The following NOX1 variants were observed in gnomAD, a reference collection of about 807,000 sequenced individuals.
The protein encoded by NOX1 is NADH/NADPH mitogenic oxidase subunit P65-MOX.
NOX1 carries 34 observed loss-of-function variants against 42.5 expected under a neutral mutation model. The observed-to-expected ratio is 0.80, with a 90% confidence interval of 0.61 to 1.07. The LOEUF (loss-of-function observed/expected upper bound fraction) is 1.07. Ranked by LOEUF, NOX1 falls within the 50% of genes least tolerant of loss-of-function variation. NOX1 has a pLI of 0.00. For synonymous variants in NOX1, 143 were observed against 152.5 expected (o/e 0.94, Z 0.46); for missense variants, 408 against 427.0 (o/e 0.96, Z 0.39).
intron 7 of NOX1, 98 bp downstream of exon 7, chrX:100,862,073 A>G: frequency 1.0e-6 from 1 of 977,160 alleles, no homozygotes; most frequent in Non-Finnish European, 1.4e-6. Context: ...ACAGGACTGA[A>G]CTAATAATAA....
chrX:100,849,712 C>T, intron 10 of NOX1, 60 bp downstream of exon 10: 1 of 1,088,654 alleles, frequency 9.2e-7, no homozygotes, highest in Non-Finnish European at 1.2e-6. Context: ...GAGCTTAGCC[C>T]AAGAAGGCAA....
At chrX:100,853,298 C>CTTTCTTTCT (rs2085135257) in intron 7 of NOX1, among the ~76,000 whole-genome samples, 2 of 66,763 alleles carry the variant, frequency 3.0e-5, no homozygotes, top group African/African-American at 6.5e-5. Context: ...TTCTTTCTTT[C>CTTTCTTTCT]TTTCTTTCTT....
intron 1 of NOX1, 114 bp from the exon 2 acceptor site, chrX:100,870,928 C>A (rs776579977): frequency 6.2e-6 from 3 of 483,230 alleles, no homozygotes; most frequent in East Asian, 3.7e-5. Flanking sequence ...TTGTGTTTAC[C>A]TGTTTTCATT....
At chrX:100,846,143 G>A (rs1202097949) in intron 12 of NOX1, among the ~76,000 whole-genome samples, 1 of 110,664 alleles carries the variant, frequency 9.0e-6, no homozygotes, top group Non-Finnish European at 1.9e-5. Context: ...GGCTGGTCTT[G>A]AACTCCTGAC....
chrX:100,861,381 G>A (rs1197829907), intron 7 of NOX1, among the ~76,000 whole-genome samples: 1 of 111,264 alleles, frequency 9.0e-6, no homozygotes, highest in African/African-American at 3.3e-5. Context: ...TCTTAATCCT[G>A]AATCTGATTT....
intron 7 of NOX1, chrX:100,855,458 G>T: frequency 2.7e-6 from 2 of 746,714 alleles, no homozygotes; most frequent in Non-Finnish European, 4.2e-6. Context: ...TGTTGTAATT[G>T]CCAAAATCAT....
At chrX:100,867,250 G>C (rs1256725668) in intron 2 of NOX1, among the ~76,000 whole-genome samples, 1 of 111,158 alleles carries the variant, frequency 9.0e-6, no homozygotes, top group East Asian at 2.9e-4. Context: ...TCGATCTCCT[G>C]ACCTCGTGAT....
At chrX:100,864,638 G>C (rs1165129585) in intron 2 of NOX1, among the ~76,000 whole-genome samples, 2 of 111,907 alleles carry the variant, frequency 1.8e-5, no homozygotes, top group African/African-American at 6.5e-5. Context: ...GCTAGCAAAG[G>C]AGACAAGGAA....
At chrX:100,861,005 CT>C in intron 7 of NOX1, among the ~76,000 whole-genome samples, 1 of 111,655 alleles carries the variant, frequency 9.0e-6, no homozygotes, top group African/African-American at 3.3e-5. Context: ...TCCCAAATTG[CT>C]GGGATTACAG....
intron 7 of NOX1, among the ~76,000 whole-genome samples, chrX:100,851,573 A>C (rs1176536443): frequency 1.8e-5 from 2 of 112,174 alleles, no homozygotes; most frequent in Non-Finnish European, 3.8e-5. Flanking sequence ...AGCAGGAGAA[A>C]AGCACAGAAA....
At chrX:100,872,662 G>GA (rs754637739) in intron 1 of NOX1, among the ~76,000 whole-genome samples, 13 of 109,798 alleles carry the variant, frequency 1.2e-4, no homozygotes, top group Non-Finnish European at 2.1e-4. Context: ...AAGAGAGGGG[G>GA]AAAAAATGCA....
At chrX:100,848,944 C>T (rs369107405) in intron 11 of NOX1, among the ~76,000 whole-genome samples, 190 bp from the exon 12 acceptor site, 1 of 111,565 alleles carries the variant, frequency 9.0e-6, no homozygotes, top group Non-Finnish European at 1.9e-5. Context: ...GGCATGGTGG[C>T]GCATGCCTGT....
chrX:100,851,477 GAAA>G (rs2085114240), intron 7 of NOX1, 152 bp from the exon 8 acceptor site: 1 of 338,757 alleles, frequency 3.0e-6, no homozygotes, highest in African/African-American at 2.7e-5. Flanking sequence ...GATGGAAATA[GAAA>G]AAATAAAGGA....
chrX:100,843,536 C>T lies in NOX1; in HGVS notation c.*416G>A, dbSNP rs747201479. On this transcript the variant is annotated 3_prime_UTR_variant, in exon 13 of 13. Coordinates refer to ENST00000372966, the MANE Select transcript of NOX1 (RefSeq NM_007052.5). Reference sequence around the variant, plus strand: ...AATAAATTTTTATTTAAAAAGTCACCCTACTTAGAAATCTTCTGTGGGGGT... The same window carrying T: ...AATAAATTTTTATTTAAAAAGTCACTCTACTTAGAAATCTTCTGTGGGGGT... 1.4e-5 allele frequency: 14 copies of T among 975,944 alleles called. No homozygotes were observed. The South Asian group carries it at 3.3e-4, about 23-fold the overall frequency. The allele number at this position is 975,944 out of a possible 1,213,427, so 80.4% of individuals were successfully genotyped here. A position where few individuals can be genotyped will look rare whatever the true frequency, so the allele number is the denominator to read the frequency against.
chrX:100,862,158 G>A lies in NOX1; in HGVS notation c.804+13C>T, dbSNP rs377611734. ...TCCTAACAAGAGTCTGTCCTTGCCC[G>A]TAGGGCTCTTACCTCAGGGGGATGC... On this transcript the variant is annotated intron_variant, in intron 7 of 12. Coordinates refer to ENST00000372966, the MANE Select transcript of NOX1 (RefSeq NM_007052.5). 23 of 1,208,597 alleles carry A rather than the reference G, an allele frequency of 1.9e-5. No homozygotes were observed. In the African/African-American group the frequency reaches 2.4e-4, roughly 13 times the overall value.
rs147653431 is a variant in NOX1 at position 100,862,771 on chromosome X, G to C, written c.387C>G (p.Ser129Arg). The C allele has an allele frequency of 8.4e-7, 1 of 1,197,546 alleles. No homozygotes were observed. The highest frequency in any genetic ancestry group is 1.8e-5 in the African/African-American group (1 of 56,585). ...CAAGGGAGCCATCTGTGGCCTGTCG[G>C]CTTCTGCTATAGCAGTCAAAGTTAA... Reference protein sequence around the residue: ...HLFNFDCYSRSRQATDGSLAS... With the variant: ...HLFNFDCYSRRRQATDGSLAS... Residue 129 changes from serine (S) to arginine (R), a missense_variant, in exon 5 of 13, where the codon AGC becomes AGG. Coordinates refer to ENST00000372966, the MANE Select transcript of NOX1 (RefSeq NM_007052.5).
intron 7 of NOX1, among the ~76,000 whole-genome samples, chrX:100,854,667 A>G (rs1477930779): frequency 8.9e-6 from 1 of 112,004 alleles, no homozygotes; most frequent in Non-Finnish European, 1.9e-5. Flanking sequence ...ATCTGGTACC[A>G]TTATTCAACG....
In NOX1 at chrX:100,843,471, ATTATTTATGT is replaced by A; in HGVS notation, c.*471_*480del. 1.0e-5 allele frequency: 11 copies of A among 1,087,634 alleles called. No homozygotes were observed. The highest frequency in any genetic ancestry group is 1.3e-5 in the Non-Finnish European group (11 of 836,799). The allele number at this position is 1,087,634 out of a possible 1,213,427, so 89.6% of individuals were successfully genotyped here. ...GATGGGGTTCTCGGTAATTTTGTTTATTATTTATGTTTATTATTATGTTTTATCATTAATT... is the reference window on the plus strand; with the variant it reads ...GATGGGGTTCTCGGTAATTTTGTTTATTATTATTATGTTTTATCATTAATT... On this transcript the variant is annotated 3_prime_UTR_variant, in exon 13 of 13. Transcript: ENST00000372966.
chrX:100,860,945 C>T (rs1425770153), intron 7 of NOX1, among the ~76,000 whole-genome samples: 1 of 110,788 alleles, frequency 9.0e-6, no homozygotes, highest in African/African-American at 3.3e-5. Context: ...TGCCATGTTG[C>T]CCAGGCTGGT....
Sources: gnomAD v4.1 joint callset for allele counts (sites outside exome capture counted in the v4.1 genomes callset) on GRCh38, gnomAD v4.1.1 for gene constraint, MANE v1.5 for transcripts, NCBI Gene and HGNC (gene_info 2026-07-23, HGNC 2026-07-21) for gene names.